Variants in BCL2 observed in about 807,000 individuals in gnomAD.
The protein encoded by BCL2 is BCL2 apoptosis regulator, also known as apoptosis regulator Bcl-2.
A neutral mutation model predicts 14.2 loss-of-function variants in BCL2; 1 was observed. That is an observed-to-expected ratio of 0.07 (90% confidence interval 0.02 to 0.33). The LOEUF (loss-of-function observed/expected upper bound fraction) is 0.33. Ranked by LOEUF, BCL2 falls within the 10% of genes least tolerant of loss-of-function variation. The probability of loss-of-function intolerance (pLI) is 0.99; values close to 1 mark genes in which losing one functional copy is unlikely to be tolerated. For synonymous variants in BCL2, 151 were observed against 137.2 expected (o/e 1.10, Z -0.70); for missense variants, 247 against 305.9 (o/e 0.81, Z 1.44).
chr18:63,318,223 C>T lies in BCL2; in HGVS notation c.444G>A (p.Val148=). 1 of 1,614,222 alleles carries T rather than the reference C, an allele frequency of 6.2e-7. No homozygotes were observed. The highest frequency in any genetic ancestry group is 8.5e-7 in the Non-Finnish European group (1 of 1,180,038). ...TGACCCCACCGAACTCAAAGAAGGC[C>T]ACAATCCTCCCCCAGTTCACCCCGT... ...FRDGVNWGRI[V]AFFEFGGVMC... is the part of the protein sequence containing the mutation. Residue 148 remains valine (V), a synonymous_variant, in exon 2 of 3, where the codon GTG becomes GTA. Coordinates refer to ENST00000333681, the MANE Select transcript of BCL2 (RefSeq NM_000633.3). The surrounding 1 kb of genome is among the most constrained non-coding windows in gnomAD (Gnocchi z 7.4).
At chr18:63,220,379 A>G (rs1910355992) in intron 2 of BCL2, among the ~76,000 whole-genome samples, 3 of 152,118 alleles carry the variant, frequency 2.0e-5, no homozygotes, top group Admixed American at 1.3e-4. Flanking sequence ...TGCATGAAAA[A>G]TTTTACAACC....
intron 2 of BCL2, among the ~76,000 whole-genome samples, chr18:63,303,238 C>T (rs1390201563): frequency 1.3e-5 from 2 of 152,160 alleles, no homozygotes; most frequent in African/African-American, 2.4e-5. Flanking sequence ...GTTTTTCCAA[C>T]GCACACTCTG....
intron 2 of BCL2, among the ~76,000 whole-genome samples, chr18:63,219,308 A>G (rs1319480692): frequency 6.6e-6 from 1 of 152,132 alleles, no homozygotes; most frequent in Non-Finnish European, 1.5e-5. Context: ...CTCCAAGTCA[A>G]AAGTGATTGT....
At position 63,188,055 on chromosome 18, in the gene BCL2, G is replaced by C. The variant is rs138435063; in HGVS notation, c.586-59296C>G. ...GTTTCCATAAACTTTGTAAGTATAC[G>C]ATCAAAGTTAAGACAAATGGGAAAC... On this transcript the variant is annotated intron_variant, in intron 2 of 2. Transcript: ENST00000333681. Among the ~76,000 whole-genome samples, 252 of 152,242 alleles carry C rather than the reference G, an allele frequency of 1.7e-3. 1 individual carries two copies. The highest frequency in any genetic ancestry group is 5.4e-3 in the African/African-American group (223 of 41,530).
intron 2 of BCL2, chr18:63,314,661 C>T (rs996163648): frequency 5.9e-5 from 9 of 152,186 alleles, no homozygotes; most frequent in African/African-American, 1.9e-4. Flanking sequence ...AAAACTCAAT[C>T]CCTTGCCTGC....
intron 2 of BCL2, among the ~76,000 whole-genome samples, chr18:63,185,051 A>C (rs1364891395): frequency 6.6e-6 from 1 of 152,214 alleles, no homozygotes; most frequent in Non-Finnish European, 1.5e-5. Flanking sequence ...TGATCCAATC[A>C]GACTGAAAGC....
intron 2 of BCL2, among the ~76,000 whole-genome samples, chr18:63,188,951 T>C (rs1183629399): frequency 6.6e-6 from 1 of 151,220 alleles, no homozygotes; most frequent in Non-Finnish European, 1.5e-5. Flanking sequence ...TCATATCAGT[T>C]TACCAATTTA....
At chr18:63,296,641 G>C (rs1375592839) in intron 2 of BCL2, among the ~76,000 whole-genome samples, 2 of 152,054 alleles carry the variant, frequency 1.3e-5, no homozygotes, top group East Asian at 3.8e-4. Context: ...TTAACTCTTA[G>C]GGCAGGCTGG....
intron 2 of BCL2, chr18:63,314,819 T>A (rs1001177041): frequency 1.3e-5 from 2 of 152,236 alleles, no homozygotes; most frequent in African/African-American, 4.8e-5. Context: ...CTATCTTACT[T>A]TTTAATGGGA....
chr18:63,226,889 C>A (rs1910563108), intron 2 of BCL2, among the ~76,000 whole-genome samples: 1 of 151,882 alleles, frequency 6.6e-6, no homozygotes, highest in Non-Finnish European at 1.5e-5. Flanking sequence ...TAACAAGGTC[C>A]AATATACATA....
intron 2 of BCL2, among the ~76,000 whole-genome samples, chr18:63,131,967 AC>A (rs952115643): frequency 2.0e-5 from 3 of 151,598 alleles, no homozygotes; most frequent in Non-Finnish European, 4.4e-5. Flanking sequence ...CACCACCCTC[AC>A]CCCCACACAA....
intron 2 of BCL2, among the ~76,000 whole-genome samples, chr18:63,267,742 G>A (rs1911874702): frequency 6.6e-6 from 1 of 152,132 alleles, no homozygotes; most frequent in Non-Finnish European, 1.5e-5. Flanking sequence ...GTGGTTAAGG[G>A]AGCTGCCACC....
chr18:63,292,982 C>T (rs1912694352), intron 2 of BCL2, among the ~76,000 whole-genome samples: 1 of 152,176 alleles, frequency 6.6e-6, no homozygotes, highest in African/African-American at 2.4e-5. Context: ...CCGCTGGACC[C>T]TCACTTTGGT....
intron 2 of BCL2, among the ~76,000 whole-genome samples, chr18:63,133,475 G>A (rs1303726287): frequency 6.6e-6 from 1 of 151,994 alleles, no homozygotes; most frequent in Non-Finnish European, 1.5e-5. Context: ...ATTTTTAGTA[G>A]AGAAAGGGTT....
chr18:63,197,319 T>C (rs952985757), intron 2 of BCL2, among the ~76,000 whole-genome samples: 1 of 152,170 alleles, frequency 6.6e-6, no homozygotes, highest in Non-Finnish European at 1.5e-5. Context: ...ATGGAGCAAA[T>C]GCTCGTACCT....
At chr18:63,265,164 G>C (rs1415543201) in intron 2 of BCL2, among the ~76,000 whole-genome samples, 1 of 152,172 alleles carries the variant, frequency 6.6e-6, no homozygotes, top group Non-Finnish European at 1.5e-5. Flanking sequence ...CATCAGCAGA[G>C]CACCACGCTA....
intron 2 of BCL2, among the ~76,000 whole-genome samples, chr18:63,169,263 T>TCTTTCTTA: frequency 1.7e-5 from 1 of 57,754 alleles, no homozygotes; most frequent in African/African-American, 1.1e-4. Flanking sequence ...TTTCTTTCTT[T>TCTTTCTTA]CTTTCTTTCT....
intron 2 of BCL2, among the ~76,000 whole-genome samples, chr18:63,215,016 G>T (rs975094935): frequency 2.0e-5 from 3 of 152,026 alleles, no homozygotes; most frequent in African/African-American, 7.2e-5. Flanking sequence ...GCCTCCTAAG[G>T]CTCATTTCTA....
chr18:63,170,653 G>T (rs778146849), intron 2 of BCL2, among the ~76,000 whole-genome samples: 4 of 152,126 alleles, frequency 2.6e-5, no homozygotes, highest in African/African-American at 4.8e-5. Flanking sequence ...TTATCCTTCT[G>T]CAAATTTTCC....
Sources: gnomAD v4.1 joint callset for allele counts (sites outside exome capture counted in the v4.1 genomes callset) on GRCh38, gnomAD v4.1.1 for gene constraint, Gnocchi (gnomAD v3.1) non-coding constraint, MANE v1.5 for transcripts, NCBI Gene and HGNC (gene_info 2026-07-23, HGNC 2026-07-21) for gene names.